GRIP1: variants seen among roughly 807,000 people sequenced by gnomAD.
GRIP1 encodes glutamate receptor-interacting protein 1.
A neutral mutation model predicts 129.9 loss-of-function variants in GRIP1; 45 were observed. The ratio of observed to expected loss-of-function variants is 0.35; its 90% confidence interval spans 0.27 to 0.44. GRIP1 has a LOEUF of 0.44. Among genes scored for constraint, GRIP1 ranks in the 20% least tolerant of loss-of-function variants. GRIP1 has a pLI of 1.00. For missense variants in GRIP1, 1,196 were observed against 1,396.8 expected, an observed-to-expected ratio of 0.86 and a Z score of 2.29; for synonymous variants, 530 against 520.8, an observed-to-expected ratio of 1.02 and a Z score of -0.24.
intron 1 of GRIP1, among the ~76,000 whole-genome samples, chr12:66,624,205 T>C (rs1226687937): frequency 6.6e-6 from 1 of 152,194 alleles, no homozygotes; most frequent in African/African-American, 2.4e-5. Context: ...ATTATTTCAA[T>C]TGGTTCCTCT....
chr12:66,444,665 T>C lies in GRIP1; in HGVS notation c.1606A>G (p.Thr536Ala). 1.2e-6 allele frequency: 2 copies of C among 1,614,022 alleles called. No homozygotes were observed. Among genetic ancestry groups the C allele is most frequent in the Non-Finnish European group, 1.7e-6 (2 of 1,179,914 alleles). ...AGGAGCTGACTGGCTTCTTCGAAGG[T>C]GCTGTCTTCTGTTGGAATTCCATTG... is the stretch of plus-strand genomic sequence containing the variant. Reference protein sequence around the residue: ...AINGIPTEDSTFEEASQLLRD... With the variant: ...AINGIPTEDSAFEEASQLLRD... Residue 536 changes from threonine to alanine, a missense_variant, in exon 13 of 25, where the codon ACC (threonine) becomes GCC (alanine). This residue lies in a region of GRIP1 where 508 missense variants were observed against 587.0 expected (regional missense o/e 0.87). Transcript: ENST00000359742.
At chr12:66,366,055 C>G (rs573028590) in intron 23 of GRIP1, among the ~76,000 whole-genome samples, 8 of 152,258 alleles carry the variant, frequency 5.3e-5, no homozygotes, top group African/African-American at 1.9e-4. Context: ...GAAAGAGAAG[C>G]AGATCTAGCA....
intron 3 of GRIP1, among the ~76,000 whole-genome samples, chr12:66,540,696 CA>C (rs1202793609): frequency 1.5e-4 from 23 of 152,328 alleles, no homozygotes; most frequent in African/African-American, 5.5e-4. Flanking sequence ...TTTTATGGGG[CA>C]AGAACTCAGA....
chr12:66,815,595 T>C (rs1013272936), intron 1 of GRIP1, among the ~76,000 whole-genome samples: 1 of 151,818 alleles, frequency 6.6e-6, no homozygotes. Flanking sequence ...ACCCCATCTC[T>C]ACAAAAAATA....
chr12:66,574,850 A>C (rs2063088820), intron 2 of GRIP1, among the ~76,000 whole-genome samples: 1 of 144,428 alleles, frequency 6.9e-6, no homozygotes, highest in Non-Finnish European at 1.5e-5. Flanking sequence ...CAGTGGTGTG[A>C]TCTCAGCTCC....
chr12:66,786,803 A>C (rs1444419996), intron 1 of GRIP1, among the ~76,000 whole-genome samples: 1 of 152,202 alleles, frequency 6.6e-6, no homozygotes, highest in Admixed American at 6.5e-5. Context: ...ATGGGACTGC[A>C]GGGTGGAAAA....
rs538980766 is a variant in GRIP1 at position 66,461,327 on chromosome 12, T to A, written c.1042+1597A>T. Among the ~76,000 whole-genome samples, 31 of 152,342 alleles carry A rather than the reference T, an allele frequency of 2.0e-4. No homozygotes were observed. The South Asian group carries it at 6.0e-3, about 30-fold the overall frequency. On this transcript the variant is annotated intron_variant, in intron 9 of 24. Transcript: ENST00000359742. ...CCAGAATTTAGCAAGCAAAACCCCA[T>A]GCTGAGAGAGCACTACACAGTGTAC...
At chr12:66,826,211 C>G (rs1238646281) in intron 1 of GRIP1, among the ~76,000 whole-genome samples, 1 of 152,028 alleles carries the variant, frequency 6.6e-6, no homozygotes, top group Admixed American at 6.6e-5. Context: ...AACAGAAAAC[C>G]AAACACCTCA....
intron 7 of GRIP1, among the ~76,000 whole-genome samples, chr12:66,468,236 C>T (rs2059341209): frequency 6.6e-6 from 1 of 152,186 alleles, no homozygotes; most frequent in Non-Finnish European, 1.5e-5. Context: ...CCTCATTTCC[C>T]CCTTGCTGGT....
intron 1 of GRIP1, among the ~76,000 whole-genome samples, chr12:66,763,818 T>A (rs1241391303): frequency 6.6e-6 from 1 of 152,232 alleles, no homozygotes; most frequent in African/African-American, 2.4e-5. Flanking sequence ...GACACTGCTA[T>A]CTGCTAAGCA....
intron 1 of GRIP1, among the ~76,000 whole-genome samples, chr12:66,875,902 C>T (rs1304711946): frequency 6.6e-6 from 1 of 152,044 alleles, no homozygotes; most frequent in African/African-American, 2.4e-5. Context: ...TCTGGGAATA[C>T]AGCCTCTGCA....
At chr12:66,449,612 T>C (rs1277292991) in intron 11 of GRIP1, among the ~76,000 whole-genome samples, 1 of 152,192 alleles carries the variant, frequency 6.6e-6, no homozygotes, top group Admixed American at 6.5e-5. Flanking sequence ...TGTATTAATT[T>C]AGATCACATG....
At chr12:66,585,349 G>A (rs1030102879) in intron 2 of GRIP1, among the ~76,000 whole-genome samples, 10 of 132,512 alleles carry the variant, frequency 7.5e-5, no homozygotes, top group African/African-American at 2.0e-4. Context: ...GAGAATATGC[G>A]GTGTTTGGTT....
intron 1 of GRIP1, among the ~76,000 whole-genome samples, chr12:66,911,117 T>G (rs1258388333): frequency 6.6e-6 from 1 of 152,138 alleles, no homozygotes; most frequent in East Asian, 1.9e-4. Context: ...GAGAAGCAAA[T>G]TATGCAAAAC....
At chr12:66,903,597 G>A (rs527933439) in intron 1 of GRIP1, among the ~76,000 whole-genome samples, 1 of 152,106 alleles carries the variant, frequency 6.6e-6, no homozygotes, top group African/African-American at 2.4e-5. Flanking sequence ...CTGTTTGAAG[G>A]GGAGGTAGGA....
At chr12:66,974,415 A>G (rs886475287) in intron 1 of GRIP1, among the ~76,000 whole-genome samples, 5 of 152,198 alleles carry the variant, frequency 3.3e-5, no homozygotes, top group African/African-American at 4.8e-5. Flanking sequence ...ATCTTGTCCA[A>G]CTAGAATATA....
rs190533926 is a variant in GRIP1, at chr12:67,029,126, T to A, written c.58+39924A>T. Among the ~76,000 whole-genome samples the A allele has an allele frequency of 4.3e-3, 660 of 152,058 alleles. 7 individuals carry two copies. Among genetic ancestry groups the A allele is most frequent in the African/African-American group, 0.015 (615 of 41,488 alleles). ...TACAAAAAAAATAAATTAAAAAAAA[T>A]TTTTAGATAGGGTCTTGCTCTGTCA... is the stretch of plus-strand genomic sequence containing the variant. On this transcript the variant is annotated intron_variant, in intron 1 of 1. Coordinates refer to the GRIP1 transcript ENST00000643019.
chr12:66,512,650 A>G (rs2060733659), intron 7 of GRIP1, among the ~76,000 whole-genome samples: 1 of 151,680 alleles, frequency 6.6e-6, no homozygotes, highest in Non-Finnish European at 1.5e-5. Flanking sequence ...CCAACTGAAA[A>G]ATGAATAAAG....
Position 66,627,940 on chromosome 12 carries a change from A to C in GRIP1, c.56-31013T>G, listed in dbSNP as rs563571794. On this transcript the variant is annotated intron_variant, in intron 1 of 24. Transcript: ENST00000359742. Reference sequence around the variant, plus strand: ...GCTGGAGAGCAGGAGTGTGAGGAGGAGGCTAGGGGAGAAAGGGAGAAAGGA... The same window carrying C: ...GCTGGAGAGCAGGAGTGTGAGGAGGCGGCTAGGGGAGAAAGGGAGAAAGGA... Among the ~76,000 whole-genome samples the C allele has an allele frequency of 1.5e-3, 227 of 152,112 alleles. 1 individual carries two copies. The highest frequency in any genetic ancestry group is 5.1e-3 in the African/African-American group (212 of 41,482).
Sources: gnomAD v4.1 joint callset for allele counts (sites outside exome capture counted in the v4.1 genomes callset) on GRCh38, gnomAD v4.1.1 for gene constraint, gnomAD v4.1.1 regional missense constraint, MANE v1.5 for transcripts, NCBI Gene and HGNC (gene_info 2026-07-23, HGNC 2026-07-21) for gene names.